Variants in DCTN2 observed in about 807,000 individuals in gnomAD.
The protein encoded by DCTN2 is 50 kDa dynein-associated polypeptide.
A neutral mutation model predicts 55.4 loss-of-function variants in DCTN2; 18 were observed. That is an observed-to-expected ratio of 0.32 (90% CI 0.22 to 0.48). DCTN2 has a LOEUF of 0.48. Ranked by LOEUF, DCTN2 falls within the 20% of genes least tolerant of loss-of-function variation. The probability of loss-of-function intolerance (pLI) is 0.99; values close to 1 mark genes in which losing one functional copy is unlikely to be tolerated. For missense variants in DCTN2, 390 were observed against 491.0 expected, an observed-to-expected ratio of 0.79 and a Z score of 1.94; for synonymous variants, 168 against 185.2, an observed-to-expected ratio of 0.91 and a Z score of 0.76.
At position 57,542,789 on chromosome 12, in the gene DCTN2, A is replaced by G. The variant is rs147326062; in HGVS notation, c.105+3239T>C. On this transcript the variant is annotated intron_variant, in intron 2 of 13. Coordinates refer to ENST00000548249, the MANE Select transcript of DCTN2 (RefSeq NM_001261413.2). ...AGACAAGATTGTGCCACTGCACTCC[A>G]GCCTGGGGGAAAGAGTGAGACTCTG... 3,404 of 455,928 alleles carry G rather than the reference A, an allele frequency of 7.5e-3. 39 individuals carry two copies. Among genetic ancestry groups the G allele is most frequent in the African/African-American group, 0.034 (1,696 of 50,164 alleles). 28.2% of individuals were successfully genotyped at this position (455,928 alleles called of 1,614,324 possible).
At position 57,545,400 on chromosome 12, in the gene DCTN2, C is replaced by A. The variant is rs576304170; in HGVS notation, c.105+628G>T. Among the ~76,000 whole-genome samples the A allele has an allele frequency of 1.2e-3, 182 of 152,200 alleles. 2 individuals carry two copies. Among genetic ancestry groups the A allele is most frequent in the Admixed American group, 8.1e-3 (124 of 15,262 alleles). ...CTTCCTCTGCATTGCACAAAAAAAA[C>A]CACAGAATGAACACACTCAATAAAC... On this transcript the variant is annotated intron_variant, in intron 2 of 13. Coordinates refer to ENST00000548249, the MANE Select transcript of DCTN2 (RefSeq NM_001261413.2).
chr12:57,533,870 AC>A (rs1879979993), intron 7 of DCTN2, 82 bp downstream of exon 7: 4 of 1,408,794 alleles, frequency 2.8e-6, no homozygotes, highest in Middle Eastern at 5.2e-4. Context: ...CCTTCCCAGC[AC>A]CCTCTCCTTG....
chr12:57,538,428 T>A, intron 2 of DCTN2: 1 of 717,430 alleles, frequency 1.4e-6, no homozygotes. Flanking sequence ...AATAGATGAA[T>A]GAAAGATTTA....
chr12:57,532,153 G>T, intron 12 of DCTN2, 47 bp from the exon 13 acceptor site: 1 of 1,552,334 alleles, frequency 6.4e-7, no homozygotes, highest in Non-Finnish European at 8.7e-7. Context: ...GATAAGGGAG[G>T]GGACCAAAAG....
chr12:57,544,142 A>G (rs748230617), intron 2 of DCTN2: 1 of 453,928 alleles, frequency 2.2e-6, no homozygotes, highest in South Asian at 1.6e-5. Flanking sequence ...TAAGTTGAAC[A>G]GTCTGAACTG....
intron 2 of DCTN2, among the ~76,000 whole-genome samples, chr12:57,545,720 C>A (rs941660692): frequency 6.6e-6 from 1 of 152,050 alleles, no homozygotes; most frequent in Non-Finnish European, 1.5e-5. Context: ...GGGTTAGAAC[C>A]CAGGGGCCTA....
At chr12:57,533,525 G>A (rs1679368) in intron 7 of DCTN2, among the ~76,000 whole-genome samples, 27,216 of 151,818 alleles carry the variant, frequency 0.18, 2,584 homozygotes, top group East Asian at 0.29. Flanking sequence ...TAATCCCAGT[G>A]CTTTGGGAGG....
At chr12:57,535,182 T>C (rs1311037002) in intron 4 of DCTN2, 28 bp from the exon 5 acceptor site, 2 of 1,551,452 alleles carry the variant, frequency 1.3e-6, no homozygotes, top group South Asian at 2.3e-5. Flanking sequence ...AGGGTAATGT[T>C]ATATGTCTCA....
intron 12 of DCTN2, 26 bp from the exon 13 acceptor site, chr12:57,532,132 C>A: frequency 1.3e-6 from 2 of 1,553,614 alleles, no homozygotes; most frequent in South Asian, 2.4e-5. Context: ...ATGGTTGAGA[C>A]TTGAATCCAA....
intron 13 of DCTN2, 69 bp downstream of exon 13, chr12:57,531,946 C>T (rs1879757829): frequency 1.9e-6 from 3 of 1,550,132 alleles, no homozygotes; most frequent in Admixed American, 2.0e-5. Context: ...AGGCAGAACC[C>T]TATAACACTG....
In DCTN2 at chr12:57,530,312, A is replaced by G. The variant is rs1879533649; in HGVS notation, c.*377T>C. 5.7e-6 allele frequency: 1 copy of G among 175,276 alleles called. No homozygotes were observed. Among genetic ancestry groups the G allele is most frequent in the African/African-American group, 2.3e-5 (1 of 42,570 alleles). 10.9% of individuals were successfully genotyped at this position (175,276 alleles called of 1,614,324 possible). ...CCAGGAAACACAGCAGAGGCCACACAGAGTACAACAGCATTTAATGGTCAG... is the reference window on the plus strand; with the variant it reads ...CCAGGAAACACAGCAGAGGCCACACGGAGTACAACAGCATTTAATGGTCAG... On this transcript the variant is annotated 3_prime_UTR_variant, in exon 14 of 14. Transcript: ENST00000548249.
At chr12:57,536,854 G>A (rs1165600402) in intron 2 of DCTN2, among the ~76,000 whole-genome samples, 1 of 152,112 alleles carries the variant, frequency 6.6e-6, no homozygotes, top group Non-Finnish European at 1.5e-5. Flanking sequence ...ATGGAAGTAG[G>A]AGGGAGACCC....
At position 57,535,104 on chromosome 12, in the gene DCTN2, G is replaced by A; in HGVS notation, c.315C>T (p.Arg105=). The A allele has an allele frequency of 6.2e-7, 1 of 1,613,782 alleles. No individual in the cohort carries two copies. The highest frequency in any genetic ancestry group is 8.5e-7 in the Non-Finnish European group (1 of 1,179,868). The change falls in exon 5 of 14, where the codon CGC becomes CGT. Residue 105 remains arginine (R), a synonymous_variant. Coordinates refer to ENST00000548249, the MANE Select transcript of DCTN2 (RefSeq NM_001261413.2). ...TCAGCTCTTGGACCTCATGCAGTAG[G>A]CGCTGGTACTTTTGCTGGGGTGTCT... ...VKETPQQKYQ[R]LLHEVQELTT... is the part of the protein sequence containing the mutation.
At chr12:57,536,443 A>AAGGGCTTACT (rs1880239015) in intron 2 of DCTN2, among the ~76,000 whole-genome samples, 1 of 152,238 alleles carries the variant, frequency 6.6e-6, no homozygotes, top group Non-Finnish European at 1.5e-5. Context: ...ACTCAGGGAC[A>AAGGGCTTACT]GGGAGAAGGG....
At chr12:57,544,418 G>A (rs1880971434) in intron 2 of DCTN2, among the ~76,000 whole-genome samples, 1 of 144,682 alleles carries the variant, frequency 6.9e-6, no homozygotes, top group South Asian at 2.2e-4. Flanking sequence ...TTGTTGTACT[G>A]GTTTTTTTTT....
Position 57,533,964 on chromosome 12 carries a change from G to T in DCTN2, c.658C>A (p.Gln220Lys). The part of the protein sequence containing the change: ...HSRPEQDKFS[Q>K]AAKVAELEKR... ...GTATCCACACTTACTTTGGCAGCTT[G>T]AGAGAACTTGTCCTGCTCAGGCCGA... The change falls in exon 7 of 14, where the codon CAA becomes AAA. Residue 220 changes from glutamine (Q) to lysine (K), a missense_variant. By Grantham distance (53) the Gln-to-Lys change is moderately conservative. Coordinates refer to ENST00000548249, the MANE Select transcript of DCTN2 (RefSeq NM_001261413.2). 6.2e-7 allele frequency: 1 copy of T among 1,610,138 alleles called. No homozygotes were observed. The highest frequency in any genetic ancestry group is 1.1e-5 in the South Asian group (1 of 90,426).
intron 2 of DCTN2, among the ~76,000 whole-genome samples, chr12:57,545,409 G>A (rs543388648): frequency 6.6e-6 from 1 of 152,124 alleles, no homozygotes; most frequent in African/African-American, 2.4e-5. Flanking sequence ...ACCACAGAAT[G>A]AACACACTCA....
intron 2 of DCTN2, among the ~76,000 whole-genome samples, chr12:57,539,020 T>C (rs1219094976): frequency 6.6e-6 from 1 of 152,258 alleles, no homozygotes. Flanking sequence ...ATGGCCCTTG[T>C]CTTCCTATCT....
chr12:57,533,403 A>G (rs1013170524), intron 7 of DCTN2, 100 bp from the exon 8 acceptor site: 1 of 1,059,974 alleles, frequency 9.4e-7, no homozygotes, highest in East Asian at 2.4e-5. Context: ...CACCACCCCA[A>G]GGGATTCCTT....
Sources: allele counts gnomAD v4.1 joint callset (sites outside exome capture counted in the v4.1 genomes callset), GRCh38; gene constraint gnomAD v4.1.1; transcripts MANE v1.5; gene names NCBI Gene and HGNC (gene_info 2026-07-23, HGNC 2026-07-21).